TMEM221: variants seen among roughly 807,000 people sequenced by gnomAD.
TMEM221 encodes Putative transmembrane protein ENSP00000342162.
Under a neutral mutation model 10.2 loss-of-function variants are expected in TMEM221, and 11 were observed. The ratio of observed to expected loss-of-function variants is 1.08; its 90% CI spans 0.68 to 1.79. The LOEUF is 1.79. Ranked by LOEUF, TMEM221 falls within the 40% of genes most tolerant of loss-of-function variation. The pLI, the probability that TMEM221 is intolerant of heterozygous loss-of-function variation, is 0.00. For missense variants in TMEM221, 382 were observed against 417.7 expected (o/e 0.91, Z 0.75); for synonymous variants, 172 against 199.8 (o/e 0.86, Z 1.18).
intron 2 of TMEM221, among the ~76,000 whole-genome samples, chr19:17,444,186 T>C (rs2074943249): frequency 6.7e-6 from 1 of 150,118 alleles, no homozygotes; most frequent in African/African-American, 2.5e-5. Flanking sequence ...GTTCAAGTGA[T>C]TCCCCTGCCT....
intron 1 of TMEM221, among the ~76,000 whole-genome samples, chr19:17,446,182 C>A (rs1384269400): frequency 2.8e-5 from 4 of 142,126 alleles, no homozygotes; most frequent in Non-Finnish European, 4.7e-5. Flanking sequence ...TCCATCCACC[C>A]CTCATCCATC....
At chr19:17,440,032 A>G (rs1480968564) in intron 2 of TMEM221, among the ~76,000 whole-genome samples, 1 of 152,014 alleles carries the variant, frequency 6.6e-6, no homozygotes, top group Non-Finnish European at 1.5e-5. Flanking sequence ...TACAAAAAAT[A>G]AGAAACTATC....
rs1319585522 is a variant in TMEM221 at position 17,448,203 on chromosome 19, A to G, written c.260T>C (p.Leu87Pro). Reference protein sequence around the residue: ...LVLVLGFTCLLLAALCGHLGA... With the variant: ...LVLVLGFTCLPLAALCGHLGA... Reference sequence around the variant, plus strand: ...CAGGTGGCCACAGAGCGCGGCGAGCAGCAAGCAGGTGAACCCCAGCACGAG... The same window carrying G: ...CAGGTGGCCACAGAGCGCGGCGAGCGGCAAGCAGGTGAACCCCAGCACGAG... Residue 87 changes from leucine (L) to proline (P), a missense_variant, in exon 1 of 3, where the codon CTG becomes CCG. Transcript: ENST00000341130. The surrounding 1 kb of genome is among the most constrained non-coding windows in gnomAD (Gnocchi z 4.7). 1.4e-6 allele frequency: 2 copies of G among 1,434,734 alleles called. No homozygotes were observed. Among genetic ancestry groups the G allele is most frequent in the East Asian group, 6.1e-5 (2 of 32,936 alleles). The allele number at this position is 1,434,734 out of a possible 1,614,324, so 88.9% of individuals were successfully genotyped here.
In TMEM221 at chr19:17,436,563, C is replaced by G. The variant is rs2074909443; in HGVS notation, c.771G>C (p.Arg257=). Residue 257 remains arginine (R), a synonymous_variant, in exon 3 of 3, where the codon CGG becomes CGC. Transcript: ENST00000341130. ...ESSLPASRMH[R]TLSAGLGHWD... is the part of the protein sequence containing the mutation. ...AGTGCCCCAGGCCAGCCGACAGTGT[C>G]CGGTGCATTCTGGATGCAGGCAGGC... The G allele has an allele frequency of 6.5e-6, 10 of 1,536,120 alleles. No individual in the cohort carries two copies. The South Asian group carries it at 7.1e-5, about 11-fold the overall frequency.
chr19:17,445,335 G>T (rs868849640), intron 1 of TMEM221, 51 bp from the exon 2 acceptor site: 25 of 1,459,218 alleles, frequency 1.7e-5, no homozygotes, highest in Middle Eastern at 1.9e-4. Flanking sequence ...TGGAGCTGGT[G>T]GGGGGAGGTC....
At chr19:17,440,930 G>A (rs1041931686) in intron 2 of TMEM221, among the ~76,000 whole-genome samples, 5 of 152,206 alleles carry the variant, frequency 3.3e-5, no homozygotes, top group South Asian at 2.1e-4. Context: ...TTGAGGGACC[G>A]GGCGTGGTGG....
chr19:17,446,943 C>G (rs1351718639), intron 1 of TMEM221, among the ~76,000 whole-genome samples: 1 of 151,850 alleles, frequency 6.6e-6, no homozygotes, highest in Non-Finnish European at 1.5e-5. Flanking sequence ...GCTATATTAC[C>G]CAGGCTGGTC....
At chr19:17,439,653 C>T (rs1335378888) in intron 2 of TMEM221, among the ~76,000 whole-genome samples, 4 of 151,414 alleles carry the variant, frequency 2.6e-5, no homozygotes, top group African/African-American at 9.7e-5. Flanking sequence ...GCGCCGCTAC[C>T]CTCTACCCTG....
rs988124581 is a variant in TMEM221 at position 17,445,180 on chromosome 19, G to C, written c.406+19C>G. 2 of 1,532,068 alleles carry C rather than the reference G, an allele frequency of 1.3e-6. No homozygotes were observed. The highest frequency in any genetic ancestry group is 8.7e-7 in the Non-Finnish European group (1 of 1,143,468). The allele number at this position is 1,532,068 out of a possible 1,614,324, so 94.9% of individuals were successfully genotyped here. ...CCCAGCCCAGGGTCCCATGCCCCAC[G>C]TTCTATTCCAGCACACACCTGCTAA... On this transcript the variant is annotated intron_variant, in intron 2 of 2. Coordinates refer to ENST00000341130, the MANE Select transcript of TMEM221 (RefSeq NM_001190844.2).
intron 2 of TMEM221, among the ~76,000 whole-genome samples, chr19:17,440,683 G>A (rs1336208197): frequency 1.3e-5 from 2 of 152,062 alleles, no homozygotes; most frequent in African/African-American, 4.8e-5. Flanking sequence ...GGGCTACATA[G>A]CAAGACCCTG....
At chr19:17,442,918 C>G (rs1599619309) in intron 2 of TMEM221, among the ~76,000 whole-genome samples, 1 of 152,112 alleles carries the variant, frequency 6.6e-6, no homozygotes, top group East Asian at 1.9e-4. Context: ...CCGTGCACTT[C>G]ACATATATAA....
chr19:17,437,228 C>T (rs2144496731), intron 2 of TMEM221, among the ~76,000 whole-genome samples: 1 of 152,330 alleles, frequency 6.6e-6, no homozygotes, highest in East Asian at 1.9e-4. Flanking sequence ...AAGCACAGTG[C>T]TGCCTCCGAA....
At position 17,436,188 on chromosome 19, in the gene TMEM221, G is replaced by C; in HGVS notation, c.*270C>G. On this transcript the variant is annotated 3_prime_UTR_variant, in exon 3 of 3. Transcript: ENST00000341130. ...TGGCCATTTCGCTCTGTTCTGGCCA[G>C]TGGGATATAAAAAGAAGGGTTTCGA... is the stretch of plus-strand genomic sequence containing the variant. 1 of 436,928 alleles carries C rather than the reference G, an allele frequency of 2.3e-6. No individual in the cohort carries two copies. The highest frequency in any genetic ancestry group is 4.1e-6 in the Non-Finnish European group (1 of 244,512). 27.1% of individuals were successfully genotyped at this position (436,928 alleles called of 1,614,324 possible). A position where few individuals can be genotyped will look rare whatever the true frequency, so the allele number is the denominator to read the frequency against.
intron 1 of TMEM221, 119 bp from the exon 2 acceptor site, chr19:17,445,403 C>G: frequency 1.4e-6 from 1 of 733,078 alleles, no homozygotes; most frequent in East Asian, 2.8e-5. Context: ...TTTCAGGGAC[C>G]CAAAATCTAT....
At chr19:17,439,651 A>C (rs1226460884) in intron 2 of TMEM221, among the ~76,000 whole-genome samples, 3 of 151,178 alleles carry the variant, frequency 2.0e-5, no homozygotes, top group Non-Finnish European at 4.4e-5. Flanking sequence ...TCGCGCCGCT[A>C]CCCTCTACCC....
intron 1 of TMEM221, among the ~76,000 whole-genome samples, chr19:17,446,505 A>T (rs1232288494): frequency 6.6e-6 from 1 of 152,076 alleles, no homozygotes; most frequent in Non-Finnish European, 1.5e-5. Context: ...CTCAGCTCCC[A>T]CCAGTATAAT....
chr19:17,448,525 G>A lies in TMEM221; in HGVS notation c.-63C>T. 2 of 1,319,822 alleles carry A rather than the reference G, an allele frequency of 1.5e-6. No individual in the cohort carries two copies. The highest frequency in any genetic ancestry group is 2.0e-6 in the Non-Finnish European group (2 of 1,017,440). The allele number at this position is 1,319,822 out of a possible 1,614,324, so 81.8% of individuals were successfully genotyped here. A position where few individuals can be genotyped will look rare whatever the true frequency, so the allele number is the denominator to read the frequency against. ...ATTGAAGTGGTTTTAGAGGGCAGGGGAGTTGGGGGGAATCCGAGGGTCCTC... is the reference window on the plus strand; with the variant it reads ...ATTGAAGTGGTTTTAGAGGGCAGGGAAGTTGGGGGGAATCCGAGGGTCCTC... On this transcript the variant is annotated 5_prime_UTR_variant, in exon 1 of 3. Coordinates refer to ENST00000341130, the MANE Select transcript of TMEM221 (RefSeq NM_001190844.2). The surrounding 1 kb of genome is among the most constrained non-coding windows in gnomAD (Gnocchi z 4.7).
intron 1 of TMEM221, among the ~76,000 whole-genome samples, chr19:17,446,480 G>A (rs2074953745): frequency 6.6e-6 from 1 of 152,108 alleles, no homozygotes; most frequent in African/African-American, 2.4e-5. Context: ...GAGGCTATAA[G>A]AGCTTCCATC....
intron 2 of TMEM221, among the ~76,000 whole-genome samples, chr19:17,437,768 G>A (rs1227625751): frequency 6.6e-6 from 1 of 152,016 alleles, no homozygotes; most frequent in Non-Finnish European, 1.5e-5. Flanking sequence ...TTGTGTAGCT[G>A]GAGCAGAAAG....
Sources: gnomAD v4.1 joint callset for allele counts (sites outside exome capture counted in the v4.1 genomes callset) on GRCh38, gnomAD v4.1.1 for gene constraint, Gnocchi (gnomAD v3.1) non-coding constraint, MANE v1.5 for transcripts, NCBI Gene and HGNC (gene_info 2026-07-23, HGNC 2026-07-21) for gene names.